JHY: variants seen among roughly 807,000 people sequenced by gnomAD.
The protein encoded by JHY is jhy protein homolog.
JHY carries 69 observed loss-of-function variants against 78.0 expected under a neutral mutation model. The observed-to-expected ratio is 0.88, with a 90% CI of 0.73 to 1.08. The LOEUF (loss-of-function observed/expected upper bound fraction) is 1.08, where lower values mean the gene tolerates loss of function less well. JHY is among the 50% of genes least tolerant of loss of function. The pLI is 0.00. For missense variants in JHY, 944 were observed against 927.8 expected (o/e 1.02, Z -0.23); for synonymous variants, 368 against 342.6 (o/e 1.07, Z -0.82).
chr11:122,943,670 A>T (rs1863914779), intron 5 of JHY, among the ~76,000 whole-genome samples: 1 of 152,102 alleles, frequency 6.6e-6, no homozygotes, highest in South Asian at 2.1e-4. Context: ...CTTCCTGATG[A>T]ATTCTTCTTT....
Position 122,946,633 on chromosome 11 carries a change from C to G in JHY, c.1770C>G (p.Ser590Arg). 6.2e-7 allele frequency: 1 copy of G among 1,614,096 alleles called. No individual in the cohort carries two copies. Among genetic ancestry groups the G allele is most frequent in the Non-Finnish European group, 8.5e-7 (1 of 1,180,018 alleles). The change falls in exon 6 of 9, where the codon AGC (serine) becomes AGG (arginine). Residue 590 changes from serine to arginine, a missense_variant. Physicochemically the swap from Ser to Arg is moderately radical, Grantham distance 110. Transcript: ENST00000227349. ...AGCCCAGTGAAGGGGCCTTATCCAGCGTCACGCTTCCACCTATACTGTCAA... is the reference window on the plus strand; with the variant it reads ...AGCCCAGTGAAGGGGCCTTATCCAGGGTCACGCTTCCACCTATACTGTCAA... ...DVQPSEGALS[S>R]VTLPPILSRV... is the part of the protein sequence containing the mutation.
rs113482064 is a variant in JHY at position 122,933,060 on chromosome 11, T to C, written c.979-1360T>C. ...TTGTGTATTACTGTTTTAAATTTAATAATCTCAACATTATCATTATAATGT... is the reference window on the plus strand; with the variant it reads ...TTGTGTATTACTGTTTTAAATTTAACAATCTCAACATTATCATTATAATGT... On this transcript the variant is annotated intron_variant, in intron 4 of 8. Transcript: ENST00000227349. Among the ~76,000 whole-genome samples, 1,310 of 152,336 alleles carry C rather than the reference T, an allele frequency of 8.6e-3. 21 individuals carry two copies. Among genetic ancestry groups the C allele is most frequent in the African/African-American group, 0.029 (1,207 of 41,564 alleles).
At chr11:122,924,165 C>T (rs995980093) in intron 3 of JHY, among the ~76,000 whole-genome samples, 3 of 151,912 alleles carry the variant, frequency 2.0e-5, no homozygotes, top group Admixed American at 6.6e-5. Flanking sequence ...TTAATTTCCT[C>T]GGTTTTTCTA....
chr11:122,946,117 C>T (rs886987262), intron 5 of JHY, among the ~76,000 whole-genome samples: 1 of 152,128 alleles, frequency 6.6e-6, no homozygotes, highest in East Asian at 1.9e-4. Context: ...GGTTTTTATT[C>T]CTTTTGTTCG....
chr11:122,930,001 C>T (rs1408817403), intron 4 of JHY, among the ~76,000 whole-genome samples: 1 of 152,200 alleles, frequency 6.6e-6, no homozygotes, highest in Non-Finnish European at 1.5e-5. Flanking sequence ...CAGAGGTCAG[C>T]ATGAGAGATG....
intron 3 of JHY, among the ~76,000 whole-genome samples, chr11:122,909,429 C>T (rs955823828): frequency 1.3e-5 from 2 of 152,172 alleles, no homozygotes; most frequent in African/African-American, 4.8e-5. Flanking sequence ...CTAAACCTCT[C>T]TGTGCCTCAG....
At chr11:122,944,267 G>C (rs142099516) in intron 5 of JHY, among the ~76,000 whole-genome samples, 235 of 152,234 alleles carry the variant, frequency 1.5e-3, no homozygotes, top group African/African-American at 4.5e-3. Context: ...TATTTCTACA[G>C]TCTTAATTTG....
At chr11:122,896,521 G>A (rs1414800198) in intron 2 of JHY, among the ~76,000 whole-genome samples, 1 of 152,054 alleles carries the variant, frequency 6.6e-6, no homozygotes, top group African/African-American at 2.4e-5. Context: ...CTAAATTGTG[G>A]TTTGGCCATT....
rs1031119271 is a variant in JHY, at chr11:122,885,910, T to G, written c.61T>G (p.Leu21Val). Residue 21 changes from leucine (L) to valine (V), a missense_variant, in exon 2 of 9, where the codon TTA becomes GTA. Leu to Val is a conservative substitution (Grantham distance 32). Coordinates refer to ENST00000227349, the MANE Select transcript of JHY (RefSeq NM_024806.4). ...SIQSPVLHTN[L>V]NVQSTHPPLK... ...TCAATCTCCTGTCCTTCATACCAACTTAAATGTCCAGTCCACACACCCACC... is the reference window on the plus strand; with the variant it reads ...TCAATCTCCTGTCCTTCATACCAACGTAAATGTCCAGTCCACACACCCACC... 2 of 1,614,016 alleles carry G rather than the reference T, an allele frequency of 1.2e-6. No individual in the cohort carries two copies. Among genetic ancestry groups the G allele is most frequent in the African/African-American group, 2.7e-5 (2 of 74,906 alleles).
At chr11:122,939,304 G>T (rs1863822911) in intron 5 of JHY, among the ~76,000 whole-genome samples, 1 of 152,102 alleles carries the variant, frequency 6.6e-6, no homozygotes, top group African/African-American at 2.4e-5. Flanking sequence ...TTCTTAAACA[G>T]ACTTTCAACC....
At chr11:122,959,110 A>G in intron 8 of JHY, 138 bp from the exon 9 acceptor site, 7 of 1,376,438 alleles carry the variant, frequency 5.1e-6, no homozygotes, top group African/African-American at 1.5e-5. Flanking sequence ...GCATTGTTTG[A>G]TCTCCATTTC....
intron 8 of JHY, chr11:122,958,896 T>C (rs1864247328): frequency 1.0e-6 from 1 of 984,380 alleles, no homozygotes; most frequent in African/African-American, 1.7e-5. Context: ...GGTCTATTAA[T>C]ATCTCCTTAA....
chr11:122,888,768 CATTT>C (rs1291287784), intron 2 of JHY, among the ~76,000 whole-genome samples: 12 of 152,076 alleles, frequency 7.9e-5, no homozygotes, highest in Non-Finnish European at 1.8e-4. Flanking sequence ...GTCTTCCATT[CATTT>C]ATTTCATAGG....
chr11:122,946,700 A>G lies in JHY; in HGVS notation c.1837A>G (p.Arg613Gly). The G allele has an allele frequency of 6.2e-7, 1 of 1,614,230 alleles. No homozygotes were observed. Among genetic ancestry groups the G allele is most frequent in the South Asian group, 1.1e-5 (1 of 91,090 alleles). Reference sequence around the variant, plus strand: ...CCAACTCAGTTCAGAGAGAAGCCAAAGAAACCAAGTGAAAATTAGCCGTAG... The same window carrying G: ...CCAACTCAGTTCAGAGAGAAGCCAAGGAAACCAAGTGAAAATTAGCCGTAG... ...ESQLSSERSQ[R>G]NQVKISRSNS... Residue 613 changes from arginine (R) to glycine (G), a missense_variant, in exon 6 of 9, where the codon AGA becomes GGA. Coordinates refer to ENST00000227349, the MANE Select transcript of JHY (RefSeq NM_024806.4).
intron 3 of JHY, among the ~76,000 whole-genome samples, chr11:122,910,532 C>T (rs555320967): frequency 1.3e-5 from 2 of 151,650 alleles, no homozygotes; most frequent in African/African-American, 4.8e-5. Flanking sequence ...TTTCATGGCA[C>T]GCATAAGAAA....
At chr11:122,926,201 A>AG (rs1362225918) in intron 4 of JHY, among the ~76,000 whole-genome samples, 33 of 89,742 alleles carry the variant, frequency 3.7e-4, no homozygotes, top group African/African-American at 7.9e-4. Context: ...AAAAAAAAAA[A>AG]AAAAAGAAAA....
At position 122,935,163 on chromosome 11, in the gene JHY, A is replaced by G; in HGVS notation, c.1634+88A>G. The G allele has an allele frequency of 4.0e-6, 5 of 1,243,108 alleles. No individual in the cohort carries two copies. Among genetic ancestry groups the G allele is most frequent in the Non-Finnish European group, 5.5e-6 (5 of 905,980 alleles). 77.0% of individuals were successfully genotyped at this position (1,243,108 alleles called of 1,614,324 possible). The stretch of plus-strand genomic sequence containing the variant: ...CGGGAGAGGAAGAAGGGGAAGGGGA[A>G]TCCATAAGGTGGCTAGGTGAGAAGA... On this transcript the variant is annotated intron_variant, in intron 5 of 8. Coordinates refer to ENST00000227349, the MANE Select transcript of JHY (RefSeq NM_024806.4). This position sits in a 1 kb window ranked among gnomAD's most constrained non-coding sequence, Gnocchi z 4.5.
chr11:122,891,295 C>T (rs1862609506), intron 2 of JHY, among the ~76,000 whole-genome samples: 1 of 152,144 alleles, frequency 6.6e-6, no homozygotes, highest in Admixed American at 6.5e-5. Context: ...ACTAGAACCT[C>T]CTCAAAGCAA....
chr11:122,903,015 T>C (rs1385300305), intron 2 of JHY, among the ~76,000 whole-genome samples: 1 of 152,242 alleles, frequency 6.6e-6, no homozygotes, highest in Non-Finnish European at 1.5e-5. Flanking sequence ...GGACTGGCAG[T>C]GCAGTAGGTT....
Sources: allele counts gnomAD v4.1 joint callset (sites outside exome capture counted in the v4.1 genomes callset), GRCh38; gene constraint gnomAD v4.1.1; non-coding constraint Gnocchi (gnomAD v3.1); transcripts MANE v1.5; gene names NCBI Gene and HGNC (gene_info 2026-07-23, HGNC 2026-07-21).